The following FOCAD variants were observed in gnomAD, a reference collection of about 807,000 sequenced individuals.
The protein encoded by FOCAD is focadhesin.
FOCAD carries 198 observed loss-of-function variants against 225.6 expected under a neutral mutation model. That is an observed-to-expected ratio of 0.88 (90% CI 0.78 to 0.99). The LOEUF (loss-of-function observed/expected upper bound fraction) is 0.99. Among genes scored for constraint, FOCAD ranks in the 50% least tolerant of loss-of-function variants. The pLI, the probability that FOCAD is intolerant of heterozygous loss-of-function variation, is 0.00. For missense variants in FOCAD, 2,713 were observed against 2,123.6 expected (o/e 1.28, Z -5.46); for synonymous variants, 897 against 755.0 (o/e 1.19, Z -3.08).
intron 42 of FOCAD, among the ~76,000 whole-genome samples, chr9:20,991,624 C>T (rs1206454977): frequency 2.0e-5 from 3 of 151,944 alleles, no homozygotes; most frequent in Non-Finnish European, 2.9e-5. Flanking sequence ...TCCAACCTGG[C>T]CAACATGATG....
intron 1 of FOCAD, among the ~76,000 whole-genome samples, chr9:20,692,668 C>A (rs75833863): frequency 0.026 from 3,958 of 152,174 alleles, 175 homozygotes; most frequent in African/African-American, 0.091. Flanking sequence ...CTCTGCTCTA[C>A]GTGGTCAGTA....
chr9:20,986,911 G>A (rs1361725360), intron 40 of FOCAD, among the ~76,000 whole-genome samples: 1 of 152,100 alleles, frequency 6.6e-6, no homozygotes, highest in African/African-American at 2.4e-5. Flanking sequence ...ATCAAATCCT[G>A]CCACCCTGTC....
At chr9:20,751,117 C>A (rs1433827331) in intron 5 of FOCAD, among the ~76,000 whole-genome samples, 1 of 151,146 alleles carries the variant, frequency 6.6e-6, no homozygotes, top group African/African-American at 2.4e-5. Flanking sequence ...TAATTCAGTT[C>A]TTTTCCCTCA....
At chr9:20,685,196 A>ATTTTTTTTTTTTTTT (rs397959541) in intron 1 of FOCAD, among the ~76,000 whole-genome samples, 19 of 143,102 alleles carry the variant, frequency 1.3e-4, no homozygotes, top group African/African-American at 1.6e-4. Context: ...TGAGTTGGAA[A>ATTTTTTTTTTTTTTT]TTTTTTTTTT....
In FOCAD at chr9:20,907,117, A is replaced by G. The variant is rs755007690; in HGVS notation, c.2626-33A>G. The G allele has an allele frequency of 4.7e-6, 7 of 1,473,714 alleles. No individual in the cohort carries two copies. In the Admixed American group the frequency reaches 1.2e-4, roughly 25 times the overall value. 91.3% of individuals were successfully genotyped at this position (1,473,714 alleles called of 1,614,324 possible). ...ATTTTATTCTTTTTTAATACTGTGT[A>G]GCCTAATATGTTGTGGTACATTTTT... On this transcript the variant is annotated intron_variant, in intron 21 of 43. Transcript: ENST00000338382.
chr9:20,681,930 G>A (rs1267349324), upstream of FOCAD, among the ~76,000 whole-genome samples: 1 of 152,174 alleles, frequency 6.6e-6, no homozygotes, highest in African/African-American at 2.4e-5. Context: ...TAGGATAGGT[G>A]TCTGCTGTGG....
rs758984131 is a variant in FOCAD, at chr9:20,688,840, G to T, written c.-33+4547G>T. On this transcript the variant is annotated intron_variant, in intron 1 of 43. Transcript: ENST00000338382. Reference sequence around the variant, plus strand: ...TTGGAAGGTTTCCCAGATAGGCCTGGATCATTAATTTGTAATAATACTAGT... The same window carrying T: ...TTGGAAGGTTTCCCAGATAGGCCTGTATCATTAATTTGTAATAATACTAGT... Among the ~76,000 whole-genome samples, 10 of 152,184 alleles carry T rather than the reference G, an allele frequency of 6.6e-5. 1 individual carries two copies. Among genetic ancestry groups the T allele is most frequent in the Non-Finnish European group, 1.5e-4 (10 of 68,032 alleles).
At chr9:20,858,081 G>A (rs946736122) in intron 15 of FOCAD, among the ~76,000 whole-genome samples, 1 of 151,738 alleles carries the variant, frequency 6.6e-6, no homozygotes, top group Admixed American at 6.6e-5. Flanking sequence ...GTCTGGTTTT[G>A]GTATCAGGGT....
intron 21 of FOCAD, among the ~76,000 whole-genome samples, chr9:20,895,899 A>G (rs1391665550): frequency 6.6e-6 from 1 of 151,860 alleles, no homozygotes; most frequent in Non-Finnish European, 1.5e-5. Context: ...AAGGATTTCC[A>G]GTATGATGTT....
intron 5 of FOCAD, among the ~76,000 whole-genome samples, chr9:20,757,792 A>G (rs950856895): frequency 6.6e-6 from 1 of 152,174 alleles, no homozygotes; most frequent in African/African-American, 2.4e-5. Context: ...TGCTGGATTC[A>G]GGAGCTTGGC....
At position 20,866,936 on chromosome 9, in the gene FOCAD, T is replaced by C. The variant is rs531293899; in HGVS notation, c.2114T>C (p.Ile705Thr). Residue 705 changes from isoleucine (I) to threonine (T), a missense_variant, in exon 18 of 44, where the codon ATT becomes ACT. Transcript: ENST00000338382. ...LWTHTQNKDP[I>T]VANAAYRSLA... ...TTTTTTTACCCTATCTAGGACCCAA[T>C]TGTAGCAAATGCTGCATATAGATCC... The C allele has an allele frequency of 1.1e-4, 74 of 687,478 alleles. No homozygotes were observed. Among genetic ancestry groups the C allele is most frequent in the South Asian group, 6.4e-4 (44 of 68,688 alleles). 42.6% of individuals were successfully genotyped at this position (687,478 alleles called of 1,614,324 possible). A position where few individuals can be genotyped will look rare whatever the true frequency, so the allele number is the denominator to read the frequency against.
At chr9:20,902,536 A>G (rs1340722126) in intron 21 of FOCAD, among the ~76,000 whole-genome samples, 3 of 151,948 alleles carry the variant, frequency 2.0e-5, no homozygotes, top group African/African-American at 7.2e-5. Flanking sequence ...TTTATTCTTT[A>G]ATGAACCATC....
intron 15 of FOCAD, among the ~76,000 whole-genome samples, chr9:20,853,970 G>A (rs1827920781): frequency 6.6e-6 from 1 of 151,732 alleles, no homozygotes; most frequent in East Asian, 1.9e-4. Flanking sequence ...GAAGCATCCT[G>A]TTTTATGAAT....
Position 20,800,364 on chromosome 9 carries a change from C to G in FOCAD, c.1455+10756C>G, listed in dbSNP as rs143380654. Among the ~76,000 whole-genome samples the G allele has an allele frequency of 1.9e-4, 29 of 152,176 alleles. No homozygotes were observed. The East Asian group carries it at 5.7e-3, about 30-fold the overall frequency. On this transcript the variant is annotated intron_variant, in intron 11 of 43. Transcript: ENST00000338382. ...TCTCGAGGAGTATCTTTGTGGCATT[C>G]TCTGTGTTTCCTGAATTTGAATGTT...
At position 20,789,486 on chromosome 9, in the gene FOCAD, A is replaced by G; in HGVS notation, c.1333A>G (p.Thr445Ala). 1 of 1,613,840 alleles carries G rather than the reference A, an allele frequency of 6.2e-7. No homozygotes were observed. The highest frequency in any genetic ancestry group is 8.5e-7 in the Non-Finnish European group (1 of 1,179,960). The change falls in exon 11 of 44, where the codon ACT becomes GCT. Residue 445 changes from threonine (T) to alanine (A), a missense_variant. Transcript: ENST00000338382. ...TTCAGTAGAGTCATTGCTTCCTATT[A>G]CTGCTGTGATCCCTGCGCCTGCCTT... ...LASVESLLPI[T>A]AVIPAPAFLL...
intron 4 of FOCAD, among the ~76,000 whole-genome samples, chr9:20,727,099 T>C (rs1826258681): frequency 6.6e-6 from 1 of 152,208 alleles, no homozygotes; most frequent in African/African-American, 2.4e-5. Context: ...AGTCCATGTC[T>C]GTTTCCCATC....
intron 8 of FOCAD, among the ~76,000 whole-genome samples, chr9:20,771,510 G>T (rs1818225008): frequency 6.6e-6 from 1 of 152,162 alleles, no homozygotes; most frequent in Admixed American, 6.5e-5. Context: ...TGTAATCCCA[G>T]CACTTTGGGA....
At chr9:20,919,228 A>G (rs1264074196) in intron 24 of FOCAD, among the ~76,000 whole-genome samples, 2 of 152,210 alleles carry the variant, frequency 1.3e-5, no homozygotes, top group Admixed American at 1.3e-4. Flanking sequence ...CTTCAAAGAG[A>G]ATAAAATACC....
chr9:20,766,572 AG>A (rs1211941749), intron 7 of FOCAD, among the ~76,000 whole-genome samples: 1 of 152,062 alleles, frequency 6.6e-6, no homozygotes, highest in Non-Finnish European at 1.5e-5. Flanking sequence ...AAATGAAATA[AG>A]CTTTTAAAAA....
Sources: gnomAD v4.1 joint callset for allele counts (sites outside exome capture counted in the v4.1 genomes callset) on GRCh38, gnomAD v4.1.1 for gene constraint, MANE v1.5 for transcripts, NCBI Gene and HGNC (gene_info 2026-07-23, HGNC 2026-07-21) for gene names.